GAB1: variants seen among roughly 807,000 people sequenced by gnomAD.
GAB1 encodes the protein GRB2 associated binding protein 1, also known as GRB2-associated-binding protein 1.
In GAB1, 19 loss-of-function variants were observed where a neutral mutation model predicts 66.5. The ratio of observed to expected loss-of-function variants is 0.29; its 90% confidence interval spans 0.20 to 0.42. GAB1 has a LOEUF of 0.42. GAB1 is among the 10% of genes least tolerant of loss of function. The probability of loss-of-function intolerance (pLI) is 1.00; values close to 1 mark genes in which losing one functional copy is unlikely to be tolerated. For missense variants in GAB1, 732 were observed against 858.5 expected (o/e 0.85, Z 1.84); for synonymous variants, 294 against 301.4 (o/e 0.98, Z 0.25).
At position 143,337,088 on chromosome 4, in the gene GAB1, A is replaced by G; in HGVS notation, c.-101A>G. Reference sequence around the variant, plus strand: ...TCCGTCCGGGGTGCGCGACCAGGAGAGCTAGGTTCTCGCCACTGCGCGCTC... The same window carrying G: ...TCCGTCCGGGGTGCGCGACCAGGAGGGCTAGGTTCTCGCCACTGCGCGCTC... On this transcript the variant is annotated 5_prime_UTR_variant, in exon 1 of 10. Transcript: ENST00000262994. 1.0e-6 allele frequency: 1 copy of G among 995,140 alleles called. No individual in the cohort carries two copies. Among genetic ancestry groups the G allele is most frequent in the South Asian group, 1.6e-5 (1 of 64,066 alleles). The allele number at this position is 995,140 out of a possible 1,614,324, so 61.6% of individuals were successfully genotyped here.
intron 1 of GAB1, among the ~76,000 whole-genome samples, chr4:143,365,166 C>T (rs1027447682): frequency 1.3e-5 from 2 of 151,792 alleles, no homozygotes; most frequent in African/African-American, 4.8e-5. Flanking sequence ...CGTGAGCCAT[C>T]GCGCCCGGCC....
intron 1 of GAB1, among the ~76,000 whole-genome samples, chr4:143,398,007 A>G (rs1731541091): frequency 6.6e-6 from 1 of 152,240 alleles, no homozygotes; most frequent in Non-Finnish European, 1.5e-5. Flanking sequence ...CATCTTCCGT[A>G]GCATTCACAG....
chr4:143,434,973 GTACAT>G (rs1733871912), intron 3 of GAB1, among the ~76,000 whole-genome samples: 1 of 152,146 alleles, frequency 6.6e-6, no homozygotes, highest in Admixed American at 6.5e-5. Flanking sequence ...AGTCAACTGA[GTACAT>G]TTTATTTATG....
intron 1 of GAB1, among the ~76,000 whole-genome samples, chr4:143,368,499 TCCAAGTTACTAC>T (rs1177811737): frequency 1.3e-5 from 2 of 152,172 alleles, no homozygotes; most frequent in Non-Finnish European, 2.9e-5. Context: ...TTCCCACTCT[TCCAAGTTACTAC>T]AAATATGCCT....
chr4:143,401,119 G>T (rs1204557771), intron 1 of GAB1, among the ~76,000 whole-genome samples: 1 of 151,904 alleles, frequency 6.6e-6, no homozygotes, highest in Non-Finnish European at 1.5e-5. Flanking sequence ...CTCTAGTTTG[G>T]AACAGTTATC....
At chr4:143,448,512 A>T (rs1417860949) in intron 6 of GAB1, among the ~76,000 whole-genome samples, 1 of 151,698 alleles carries the variant, frequency 6.6e-6, no homozygotes, top group African/African-American at 2.4e-5. Context: ...TTCCTGGTTT[A>T]GTCTTGGGAG....
chr4:143,450,379 TA>T lies in GAB1; in HGVS notation c.1586-8998del, dbSNP rs199725598. ...TTGGGAAGAGTAAAAAATTTAGGCTTAAAAAAAATTTAGGCTTTGTAAAGCC... is the reference window on the plus strand; with the variant it reads ...TTGGGAAGAGTAAAAAATTTAGGCTTAAAAAAATTTAGGCTTTGTAAAGCC... On this transcript the variant is annotated intron_variant, in intron 6 of 9. Transcript: ENST00000262994. Among the ~76,000 whole-genome samples, 1,452 of 152,152 alleles carry T rather than the reference TA, an allele frequency of 9.5e-3. 5 individuals carry two copies. The highest frequency in any genetic ancestry group is 0.017 in the Non-Finnish European group (1,134 of 68,002).
intron 2 of GAB1, chr4:143,424,723 G>A (rs533194317): frequency 1.8e-4 from 32 of 181,152 alleles, no homozygotes; most frequent in Non-Finnish European, 3.4e-4. Context: ...TTGAGAGGCC[G>A]AGGCAGATGG....
chr4:143,458,056 T>G (rs1268168745), intron 6 of GAB1, among the ~76,000 whole-genome samples: 2 of 152,178 alleles, frequency 1.3e-5, no homozygotes, highest in Non-Finnish European at 2.9e-5. Context: ...TTTCAGTTTG[T>G]GAACTGTTTG....
chr4:143,354,140 T>C (rs758691555), intron 1 of GAB1, among the ~76,000 whole-genome samples: 2 of 152,192 alleles, frequency 1.3e-5, no homozygotes, highest in Non-Finnish European at 1.5e-5. Flanking sequence ...CTGTGACTTG[T>C]ACCCTGCACT....
chr4:143,378,500 T>C (rs1036209693), intron 1 of GAB1, among the ~76,000 whole-genome samples: 3 of 152,166 alleles, frequency 2.0e-5, no homozygotes, highest in African/African-American at 7.2e-5. Flanking sequence ...GTAACAAAAA[T>C]CTTTATGCTT....
At chr4:143,375,037 C>A (rs1371253850) in intron 1 of GAB1, among the ~76,000 whole-genome samples, 23 of 152,150 alleles carry the variant, frequency 1.5e-4, no homozygotes, top group Non-Finnish European at 1.0e-4. Flanking sequence ...AACCTCCGCC[C>A]CCTGGGCTCA....
chr4:143,383,447 G>GTATA (rs1381238064), intron 1 of GAB1, among the ~76,000 whole-genome samples: 1 of 152,130 alleles, frequency 6.6e-6, no homozygotes, highest in Non-Finnish European at 1.5e-5. Flanking sequence ...CTTTAAAAAT[G>GTATA]TATACTTTTA....
intron 6 of GAB1, among the ~76,000 whole-genome samples, chr4:143,455,975 C>T (rs746035616): frequency 1.1e-4 from 16 of 152,240 alleles, no homozygotes; most frequent in East Asian, 7.7e-4. Context: ...ACTCTGCCTC[C>T]GGTTAAAGTG....
At chr4:143,421,635 AC>A (rs1224698227) in intron 2 of GAB1, among the ~76,000 whole-genome samples, 1 of 146,826 alleles carries the variant, frequency 6.8e-6, no homozygotes, top group Non-Finnish European at 1.5e-5. Flanking sequence ...TTTCCTGAGA[AC>A]CAATTCAACC....
chr4:143,438,407 A>G lies in GAB1; in HGVS notation c.1002A>G (p.Leu334=). ...GAACCTTGGGACAGACATCAAAGCTAGACACTATTCCAGATATTCCTCCAC... is the reference window on the plus strand; with the variant it reads ...GAACCTTGGGACAGACATCAAAGCTGGACACTATTCCAGATATTCCTCCAC... ...PEGTLGQTSK[L]DTIPDIPPPR... is the part of the protein sequence containing the mutation. The change falls in exon 4 of 10, where the codon CTA becomes CTG. Residue 334 remains leucine, a synonymous_variant. Transcript: ENST00000262994. 5 of 1,614,072 alleles carry G rather than the reference A, an allele frequency of 3.1e-6. No homozygotes were observed. Among genetic ancestry groups the G allele is most frequent in the Non-Finnish European group, 4.2e-6 (5 of 1,179,984 alleles).
intron 2 of GAB1, among the ~76,000 whole-genome samples, chr4:143,427,067 AG>A (rs1193854466): frequency 6.6e-6 from 1 of 152,180 alleles, no homozygotes; most frequent in East Asian, 1.9e-4. Context: ...TGGGCCAAAG[AG>A]GAAAAGAAGA....
chr4:143,345,663 G>A (rs529880362), intron 1 of GAB1, among the ~76,000 whole-genome samples: 2 of 152,314 alleles, frequency 1.3e-5, no homozygotes, highest in East Asian at 3.9e-4. Context: ...AAAAGTGAGA[G>A]GAGGCCATCC....
intron 1 of GAB1, among the ~76,000 whole-genome samples, chr4:143,355,570 G>A (rs1043373949): frequency 6.6e-6 from 1 of 152,068 alleles, no homozygotes; most frequent in African/African-American, 2.4e-5. Flanking sequence ...AGTAGCATTG[G>A]AAACAACAGA....
Sources: gnomAD v4.1 joint callset for allele counts (sites outside exome capture counted in the v4.1 genomes callset) on GRCh38, gnomAD v4.1.1 for gene constraint, MANE v1.5 for transcripts, NCBI Gene and HGNC (gene_info 2026-07-23, HGNC 2026-07-21) for gene names.